The following UBQLN4 variants were observed in gnomAD, a reference collection of about 807,000 sequenced individuals.
UBQLN4 encodes ubiquilin 4, also known as ubiquilin-4.
UBQLN4 carries 11 observed loss-of-function variants against 60.4 expected under a neutral mutation model. The observed-to-expected ratio is 0.18, with a 90% CI of 0.11 to 0.30. UBQLN4 has a LOEUF of 0.30. Ranked by LOEUF, UBQLN4 falls within the 10% of genes least tolerant of loss-of-function variation. The probability of loss-of-function intolerance (pLI) is 1.00; values close to 1 mark genes in which losing one functional copy is unlikely to be tolerated. For missense variants in UBQLN4, 417 were observed against 795.5 expected, an observed-to-expected ratio of 0.52 and a Z score of 5.72; for synonymous variants, 258 against 313.1, an observed-to-expected ratio of 0.82 and a Z score of 1.86.
At chr1:156,033,361 C>G (rs1683327065), downstream of UBQLN4, 3 of 902,746 alleles carry the variant, frequency 3.3e-6, no homozygotes, top group Non-Finnish European at 4.0e-6. Flanking sequence ...ATGTGTGAGC[C>G]TGATGATTCC....
chr1:156,049,918 C>A (rs1683821232), intron 4 of UBQLN4, among the ~76,000 whole-genome samples: 1 of 152,202 alleles, frequency 6.6e-6, no homozygotes, highest in South Asian at 2.1e-4. Flanking sequence ...GTCCCTCAGC[C>A]CTGAATGTTC....
chr1:156,040,971 C>A (rs149377609), intron 10 of UBQLN4, among the ~76,000 whole-genome samples: 2 of 152,278 alleles, frequency 1.3e-5, no homozygotes, highest in East Asian at 1.9e-4. Context: ...TTGGTTACCT[C>A]GCAGAATCCC....
downstream of UBQLN4, among the ~76,000 whole-genome samples, chr1:156,031,876 A>G (rs1289697725): frequency 6.6e-6 from 1 of 152,100 alleles, no homozygotes; most frequent in African/African-American, 2.4e-5. Context: ...CTGACACACA[A>G]TAAACTGTAC....
downstream of UBQLN4, among the ~76,000 whole-genome samples, chr1:156,031,383 C>CA (rs1421019996): frequency 2.6e-5 from 4 of 152,228 alleles, no homozygotes; most frequent in East Asian, 7.7e-4. Flanking sequence ...CAAACTCAGG[C>CA]ACAGGCAGGT....
At chr1:156,038,010 G>A (rs1683451363) in intron 10 of UBQLN4, among the ~76,000 whole-genome samples, 1 of 152,194 alleles carries the variant, frequency 6.6e-6, no homozygotes, top group Admixed American at 6.5e-5. Context: ...GGGCTCAGGT[G>A]ATCCTTCTCT....
chr1:156,038,157 C>T (rs917190020), intron 10 of UBQLN4, among the ~76,000 whole-genome samples: 2 of 152,108 alleles, frequency 1.3e-5, no homozygotes, highest in Admixed American at 1.3e-4. Flanking sequence ...GGGCAGTTTG[C>T]CTGAGGTCAG....
chr1:156,037,196 G>A, intron 10 of UBQLN4, 66 bp from the exon 11 acceptor site: 2 of 1,567,930 alleles, frequency 1.3e-6, no homozygotes, highest in East Asian at 2.2e-5. Flanking sequence ...TGAATTAAGG[G>A]TTTCTAAGAC....
At chr1:156,047,883 C>T (rs1683757425) in intron 5 of UBQLN4, among the ~76,000 whole-genome samples, 1 of 136,930 alleles carries the variant, frequency 7.3e-6, no homozygotes, top group African/African-American at 2.7e-5. Context: ...TAGAGCGAGA[C>T]TCCATCTCAA....
chr1:156,047,908 A>AG lies in UBQLN4; in HGVS notation c.900+592_900+593insC, dbSNP rs1436946080. Among the ~76,000 whole-genome samples the AG allele has an allele frequency of 6.0e-4, 91 of 151,712 alleles. 1 individual carries two copies. In the Middle Eastern group the frequency reaches 0.014, roughly 23 times the overall value. ...CTCCATCTCAAAAAAAAAAAAAAAA[A>AG]AGAAAGAAAGAAAGAACCAAAAGGG... is the stretch of plus-strand genomic sequence containing the variant. On this transcript the variant is annotated intron_variant, in intron 5 of 10. Transcript: ENST00000368309.
chr1:156,045,114 TAA>T (rs1183405781), intron 5 of UBQLN4, among the ~76,000 whole-genome samples: 1 of 152,188 alleles, frequency 6.6e-6, no homozygotes, highest in Non-Finnish European at 1.5e-5. Context: ...TCTTGTGGTC[TAA>T]GAGCTCAGCA....
At chr1:156,037,193 A>C in intron 10 of UBQLN4, 63 bp from the exon 11 acceptor site, 1 of 1,570,058 alleles carries the variant, frequency 6.4e-7, no homozygotes, top group East Asian at 2.2e-5. Flanking sequence ...ATTTGAATTA[A>C]GGGTTTCTAA....
At chr1:156,041,200 A>G (rs1345724455) in intron 10 of UBQLN4, among the ~76,000 whole-genome samples, 1 of 152,162 alleles carries the variant, frequency 6.6e-6, no homozygotes, top group African/African-American at 2.4e-5. Flanking sequence ...CTTTCTCATG[A>G]GGCTATTGTG....
chr1:156,040,538 C>T (rs1476639191), intron 10 of UBQLN4, among the ~76,000 whole-genome samples: 2 of 151,280 alleles, frequency 1.3e-5, no homozygotes, highest in Non-Finnish European at 2.9e-5. Context: ...CTCCACCTCC[C>T]GAGTTCACCC....
At chr1:156,032,313 T>G (rs1046825021), downstream of UBQLN4, among the ~76,000 whole-genome samples, 1 of 150,432 alleles carries the variant, frequency 6.6e-6, no homozygotes, top group African/African-American at 2.4e-5. Context: ...AAATGAGTCT[T>G]TATTTAACCT....
Position 156,042,250 on chromosome 1 carries a change from G to A in UBQLN4, c.1267-14C>T, listed in dbSNP as rs1300697322. On this transcript the variant is annotated splice_polypyrimidine_tract_variant and intron_variant, in intron 7 of 10. Coordinates refer to ENST00000368309, the MANE Select transcript of UBQLN4 (RefSeq NM_020131.5). ...ATTCACCATCATCTGCCAGGGTGAA[G>A]GTAGCAGGGGGAGACCTGGGCCTTT... The A allele has an allele frequency of 5.7e-6, 9 of 1,579,112 alleles. No individual in the cohort carries two copies. The highest frequency in any genetic ancestry group is 7.7e-6 in the Non-Finnish European group (9 of 1,164,448).
chr1:156,044,080 C>A lies in UBQLN4; in HGVS notation c.1044G>T (p.Glu348Asp), dbSNP rs372315146. The A allele has an allele frequency of 1.3e-6, 2 of 1,597,256 alleles. No homozygotes were observed. The highest frequency in any genetic ancestry group is 1.7e-6 in the Non-Finnish European group (2 of 1,171,634). Residue 348 changes from glutamate to aspartate, a missense_variant, in exon 6 of 11, where the codon GAG (glutamate) becomes GAT (aspartate). Glu to Asp is a conservative substitution (Grantham distance 45, BLOSUM62 2). Transcript: ENST00000368309. ...GGCTGGTCCCCGATCCTCCGGTGCC[C>A]TCCCCACCGGACCCGGGGGCCTGGG... ...PTSQAPGSGGEGTGGSGTSQV... is the reference protein window; with the variant it reads ...PTSQAPGSGGDGTGGSGTSQV...
chr1:156,051,690 C>G lies in UBQLN4; in HGVS notation c.260+16G>C. ...GGCCCAATCAGAAGCTGGATCTGCT[C>G]TGCTCCTGAACTTACTTCTGAGGGG... On this transcript the variant is annotated intron_variant, in intron 2 of 10. Coordinates refer to ENST00000368309, the MANE Select transcript of UBQLN4 (RefSeq NM_020131.5). 1 of 1,612,564 alleles carries G rather than the reference C, an allele frequency of 6.2e-7. No individual in the cohort carries two copies. Among genetic ancestry groups the G allele is most frequent in the Non-Finnish European group, 8.5e-7 (1 of 1,179,802 alleles).
Position 156,036,054 on chromosome 1 carries a change from T to C in UBQLN4, c.*924A>G. The stretch of plus-strand genomic sequence containing the variant: ...GTGTGTGTGTGTGCATATAAGCACA[T>C]ATGCTTGAGGAACTAAAGCCAATAT... On this transcript the variant is annotated 3_prime_UTR_variant, in exon 11 of 11. Coordinates refer to ENST00000368309, the MANE Select transcript of UBQLN4 (RefSeq NM_020131.5). 4 of 985,602 alleles carry C rather than the reference T, an allele frequency of 4.1e-6. No homozygotes were observed. The highest frequency in any genetic ancestry group is 3.6e-6 in the Non-Finnish European group (3 of 829,952). The allele number at this position is 985,602 out of a possible 1,614,324, so 61.1% of individuals were successfully genotyped here.
chr1:156,051,558 C>T (rs1683872347), intron 2 of UBQLN4, 148 bp downstream of exon 2: 3 of 1,249,542 alleles, frequency 2.4e-6, no homozygotes, highest in African/African-American at 1.5e-5. Context: ...ATCAGGTTCC[C>T]TTCCCCTAGA....
Sources: allele counts gnomAD v4.1 joint callset (sites outside exome capture counted in the v4.1 genomes callset), GRCh38; gene constraint gnomAD v4.1.1; transcripts MANE v1.5; gene names NCBI Gene and HGNC (gene_info 2026-07-23, HGNC 2026-07-21).